PRMT8: variants seen among roughly 807,000 people sequenced by gnomAD.
PRMT8 encodes protein arginine methyltransferase 8.
Under a neutral mutation model 47.1 loss-of-function variants are expected in PRMT8, and 7 were observed. That is an observed-to-expected ratio of 0.15 (90% CI 0.08 to 0.28). The LOEUF (loss-of-function observed/expected upper bound fraction) is 0.28, where lower values mean the gene tolerates loss of function less well. PRMT8 is among the 10% of genes least tolerant of loss of function. The pLI, the probability that PRMT8 is intolerant of heterozygous loss-of-function variation, is 1.00. For missense variants in PRMT8, 237 were observed against 505.4 expected, an observed-to-expected ratio of 0.47 and a Z score of 5.09; for synonymous variants, 188 against 186.5, an observed-to-expected ratio of 1.01 and a Z score of -0.07.
At position 3,514,639 on chromosome 12, in the gene PRMT8, T is replaced by C. The variant is rs1298128511; in HGVS notation, c.75+22939T>C. ...GCACCCTGCTCTGGAGAGGTTTCCTTGCAAAGCTGACCTTTCCGGCTGGGT... is the reference window on the plus strand; with the variant it reads ...GCACCCTGCTCTGGAGAGGTTTCCTCGCAAAGCTGACCTTTCCGGCTGGGT... On this transcript the variant is annotated intron_variant, in intron 1 of 9. Transcript: ENST00000382622. This position sits in a 1 kb window ranked among gnomAD's most constrained non-coding sequence, Gnocchi z 5.9. Among the ~76,000 whole-genome samples the C allele has an allele frequency of 6.6e-6, 1 of 151,702 alleles. No homozygotes were observed. The highest frequency in any genetic ancestry group is 1.5e-5 in the Non-Finnish European group (1 of 67,962).
intron 1 of PRMT8, among the ~76,000 whole-genome samples, chr12:3,415,146 A>AG (rs1479289501): frequency 6.6e-6 from 1 of 152,024 alleles, no homozygotes; most frequent in Non-Finnish European, 1.5e-5. Flanking sequence ...CACAGAACTC[A>AG]GGGAAACACT....
chr12:3,444,853 C>T (rs1013133256), intron 1 of PRMT8, among the ~76,000 whole-genome samples: 11 of 152,210 alleles, frequency 7.2e-5, no homozygotes, highest in African/African-American at 1.2e-4. Flanking sequence ...CATGCCCCTT[C>T]GGGTGCCTGG....
chr12:3,428,793 A>T (rs1400104558), intron 1 of PRMT8, among the ~76,000 whole-genome samples: 457 of 88,744 alleles, frequency 5.1e-3, no homozygotes, highest in African/African-American at 7.1e-3. Context: ...TCTTACCTTG[A>T]CTCTGTCTTT....
chr12:3,539,521 G>A (rs1866182057), intron 1 of PRMT8, among the ~76,000 whole-genome samples: 1 of 152,010 alleles, frequency 6.6e-6, no homozygotes, highest in African/African-American at 2.4e-5. Context: ...TATTTTTCTA[G>A]TTCAGCCCTG....
intron 1 of PRMT8, among the ~76,000 whole-genome samples, chr12:3,513,190 C>T (rs1311380223): frequency 1.3e-5 from 2 of 152,184 alleles, no homozygotes; most frequent in Non-Finnish European, 2.9e-5. Context: ...AAGGAGGTAT[C>T]TTGCTAGTTT....
rs564084938 is a variant in PRMT8 at position 3,433,517 on chromosome 12, G to C, written c.48+52075G>C. Among the ~76,000 whole-genome samples, 8 of 152,308 alleles carry C rather than the reference G, an allele frequency of 5.3e-5. No individual in the cohort carries two copies. The South Asian group carries it at 1.4e-3, about 28-fold the overall frequency. ...GGAATCTGAGGCACTGAGCAGTTAC[G>C]TAATTTGCTCAAGATCACACAGCTG... On this transcript the variant is annotated intron_variant, in intron 1 of 9. Coordinates refer to the PRMT8 transcript ENST00000452611.
At chr12:3,579,152 A>G (rs1244831057) in intron 7 of PRMT8, among the ~76,000 whole-genome samples, 1 of 152,238 alleles carries the variant, frequency 6.6e-6, no homozygotes, top group Admixed American at 6.5e-5. Flanking sequence ...AATGTAGAAT[A>G]GATAGAAGTC....
chr12:3,444,207 C>T (rs1021759484), intron 1 of PRMT8, among the ~76,000 whole-genome samples: 14 of 152,138 alleles, frequency 9.2e-5, no homozygotes, highest in Admixed American at 2.0e-4. Context: ...CTTTTTCCAG[C>T]GGTTCTGGAT....
chr12:3,586,250 T>C (rs1867170560), intron 8 of PRMT8, among the ~76,000 whole-genome samples: 1 of 152,050 alleles, frequency 6.6e-6, no homozygotes, highest in Non-Finnish European at 1.5e-5. Context: ...TGGATTAAGC[T>C]CACATCCAGA....
chr12:3,490,206 A>G (rs1225541157), upstream of PRMT8, among the ~76,000 whole-genome samples: 1 of 152,152 alleles, frequency 6.6e-6, no homozygotes, highest in Admixed American at 6.5e-5. Flanking sequence ...TGAAAGCTTA[A>G]AAGTACAGCT....
At position 3,593,822 on chromosome 12, in the gene PRMT8, T is replaced by G. The variant is rs1336221827; in HGVS notation, c.*640T>G. 2 of 153,474 alleles carry G rather than the reference T, an allele frequency of 1.3e-5. No homozygotes were observed. Among genetic ancestry groups the G allele is most frequent in the East Asian group, 3.8e-4 (2 of 5,200 alleles). 9.5% of individuals were successfully genotyped at this position (153,474 alleles called of 1,614,324 possible). A position where few individuals can be genotyped will look rare whatever the true frequency, so the allele number is the denominator to read the frequency against. ...GAATAGGAATTTGTTTTGTGATTAG[T>G]TCGCCCCTTCCCCACCCCTTACCAG... On this transcript the variant is annotated 3_prime_UTR_variant, in exon 10 of 10. Coordinates refer to ENST00000382622, the MANE Select transcript of PRMT8 (RefSeq NM_019854.5). This position sits in a 1 kb window ranked among gnomAD's most constrained non-coding sequence, Gnocchi z 4.8.
chr12:3,541,970 A>C (rs1866238953), intron 2 of PRMT8, among the ~76,000 whole-genome samples: 1 of 152,202 alleles, frequency 6.6e-6, no homozygotes, highest in Non-Finnish European at 1.5e-5. Flanking sequence ...GCCACAAGCT[A>C]GTAGATGGCA....
At position 3,461,806 on chromosome 12, in the gene PRMT8, C is replaced by A. The variant is rs1483921686; in HGVS notation, c.49-78800C>A. 2.6e-5 allele frequency among the ~76,000 whole-genome samples: 4 copies of A among 152,078 alleles called. No homozygotes were observed. The East Asian group carries it at 7.7e-4, about 29-fold the overall frequency. ...TTTACTTGAACCAAAACGAGGACAA[C>A]TGCCTGAAAGACTCTGTCCCAGATA... On this transcript the variant is annotated intron_variant, in intron 1 of 9. Transcript: ENST00000452611.
At chr12:3,434,704 G>T (rs890501259) in intron 1 of PRMT8, among the ~76,000 whole-genome samples, 8 of 151,402 alleles carry the variant, frequency 5.3e-5, no homozygotes, top group African/African-American at 1.9e-4. Flanking sequence ...GGGGTTGGTG[G>T]GTGTGTGTTG....
intron 1 of PRMT8, among the ~76,000 whole-genome samples, chr12:3,459,301 T>G (rs1169731046): frequency 1.3e-5 from 2 of 152,108 alleles, no homozygotes; most frequent in African/African-American, 4.8e-5. Flanking sequence ...CCTTCCCACC[T>G]CCCCAGTCTT....
intron 4 of PRMT8, among the ~76,000 whole-genome samples, chr12:3,568,455 T>C (rs1866773273): frequency 1.3e-5 from 2 of 152,382 alleles, no homozygotes; most frequent in South Asian, 4.1e-4. Flanking sequence ...GATGACGTGA[T>C]ACCACGCATA....
At chr12:3,524,217 T>C (rs961223956) in intron 1 of PRMT8, among the ~76,000 whole-genome samples, 3 of 152,028 alleles carry the variant, frequency 2.0e-5, no homozygotes, top group African/African-American at 7.3e-5. Flanking sequence ...GAGTATCTAA[T>C]AAATTTAAAA....
At chr12:3,490,707 GAGAGA>G (rs1865376671), upstream of PRMT8, among the ~76,000 whole-genome samples, 1 of 149,400 alleles carries the variant, frequency 6.7e-6, no homozygotes, top group Non-Finnish European at 1.5e-5. Flanking sequence ...GAGAGAGAGA[GAGAGA>G]GAGAGAGAAA....
At chr12:3,464,196 T>C (rs1865067027) in intron 1 of PRMT8, among the ~76,000 whole-genome samples, 1 of 152,118 alleles carries the variant, frequency 6.6e-6, no homozygotes, top group Non-Finnish European at 1.5e-5. Context: ...TCTTGCCTAT[T>C]TAAAGCAATA....
Sources: allele counts gnomAD v4.1 joint callset (sites outside exome capture counted in the v4.1 genomes callset), GRCh38; gene constraint gnomAD v4.1.1; non-coding constraint Gnocchi (gnomAD v3.1); transcripts MANE v1.5; gene names NCBI Gene and HGNC (gene_info 2026-07-23, HGNC 2026-07-21).